Variants in TAFA2 observed in about 807,000 individuals in gnomAD.
TAFA2 encodes the protein chemokine-like protein TAFA-2.
Under a neutral mutation model 18.8 loss-of-function variants are expected in TAFA2, and 7 were observed. The ratio of observed to expected loss-of-function variants is 0.37; its 90% confidence interval spans 0.21 to 0.70. The LOEUF is 0.70. Among genes scored for constraint, TAFA2 ranks in the 30% least tolerant of loss-of-function variants. The pLI is 0.53. For synonymous variants in TAFA2, 60 were observed against 54.2 expected (o/e 1.11, Z -0.47); for missense variants, 122 against 158.1 (o/e 0.77, Z 1.23).
At chr12:61,821,128 TACACACACACACACACAC>T (rs3034059) in intron 2 of TAFA2, among the ~76,000 whole-genome samples, 1 of 146,476 alleles carries the variant, frequency 6.8e-6, no homozygotes, top group East Asian at 2.0e-4. Flanking sequence ...TTGATAGGGG[TACACACACACACACACAC>T]ACACACACAC....
At chr12:62,015,424 G>A (rs892883411) in intron 1 of TAFA2, among the ~76,000 whole-genome samples, 1 of 152,190 alleles carries the variant, frequency 6.6e-6, no homozygotes, top group African/African-American at 2.4e-5. Flanking sequence ...TGTCACAGGA[G>A]AAGAATAAGA....
At chr12:62,092,637 A>C (rs1868767222) in intron 1 of TAFA2, among the ~76,000 whole-genome samples, 1 of 152,004 alleles carries the variant, frequency 6.6e-6, no homozygotes, top group Non-Finnish European at 1.5e-5. Context: ...AACTTCTAAT[A>C]ACCCCAATGT....
intron 1 of TAFA2, among the ~76,000 whole-genome samples, chr12:62,159,466 T>C (rs972795373): frequency 6.6e-6 from 1 of 152,158 alleles, no homozygotes; most frequent in African/African-American, 2.4e-5. Flanking sequence ...GGAAGAAACA[T>C]TCTAAAAGGA....
At chr12:61,972,472 T>C (rs540242282) in intron 1 of TAFA2, among the ~76,000 whole-genome samples, 2 of 151,734 alleles carry the variant, frequency 1.3e-5, no homozygotes, top group South Asian at 4.1e-4. Flanking sequence ...CCCTAAGGCC[T>C]TGCATTAAAA....
chr12:62,049,676 A>G (rs998382328), intron 1 of TAFA2, among the ~76,000 whole-genome samples: 1 of 152,214 alleles, frequency 6.6e-6, no homozygotes, highest in African/African-American at 2.4e-5. Flanking sequence ...ATCTTGCTAG[A>G]AAGTCAACAT....
intron 1 of TAFA2, among the ~76,000 whole-genome samples, chr12:62,211,151 C>A (rs2062711520): frequency 1.3e-5 from 2 of 152,060 alleles, no homozygotes; most frequent in South Asian, 4.1e-4. Flanking sequence ...CTTTGTCGAG[C>A]ACAATCTAAT....
intron 1 of TAFA2, among the ~76,000 whole-genome samples, chr12:61,888,476 A>G (rs955437725): frequency 1.3e-5 from 2 of 152,186 alleles, no homozygotes; most frequent in Non-Finnish European, 2.9e-5. Context: ...AACACAAAAC[A>G]CTGAGACCAG....
chr12:61,891,098 A>G (rs2121295791), intron 1 of TAFA2, among the ~76,000 whole-genome samples: 1 of 152,358 alleles, frequency 6.6e-6, no homozygotes, highest in African/African-American at 2.4e-5. Context: ...TAGTCCTTCC[A>G]TCATGTAATT....
Position 62,062,714 on chromosome 12 carries a change from C to G in TAFA2, c.-2+128545G>C, listed in dbSNP as rs138979842. On this transcript the variant is annotated intron_variant, in intron 1 of 4. Coordinates refer to ENST00000416284, the MANE Select transcript of TAFA2 (RefSeq NM_178539.5). ...CACCAGACTAATATCAAGCTGTCAG[C>G]AGGCTGCATTCCTTTCTGGAGGCTC... Among the ~76,000 whole-genome samples, 1,253 of 152,290 alleles carry G rather than the reference C, an allele frequency of 8.2e-3. 3 individuals are homozygous for G. Among genetic ancestry groups the G allele is most frequent in the Non-Finnish European group, 0.011 (727 of 68,020 alleles).
At chr12:61,841,427 C>A (rs1873170399) in intron 2 of TAFA2, among the ~76,000 whole-genome samples, 1 of 152,042 alleles carries the variant, frequency 6.6e-6, no homozygotes, top group African/African-American at 2.4e-5. Flanking sequence ...ATTGTGTGTT[C>A]TTGACACCTC....
chr12:61,800,828 T>C (rs917098763), intron 2 of TAFA2, among the ~76,000 whole-genome samples: 1 of 152,094 alleles, frequency 6.6e-6, no homozygotes, highest in African/African-American at 2.4e-5. Flanking sequence ...AAGGAGGACC[T>C]TTATGGAGAA....
chr12:61,960,759 C>T (rs1464605040), intron 1 of TAFA2, among the ~76,000 whole-genome samples: 5 of 131,324 alleles, frequency 3.8e-5, no homozygotes, highest in Admixed American at 8.7e-5. Context: ...AGTTTAGCCA[C>T]TTTGTCCTAT....
At chr12:61,879,278 G>T (rs1010214958) in intron 1 of TAFA2, 10 of 420,274 alleles carry the variant, frequency 2.4e-5, no homozygotes, top group Non-Finnish European at 4.3e-5. Context: ...TCGAATCTCC[G>T]CCTGGTTGGG....
At chr12:61,857,663 T>C (rs1873939461) in intron 2 of TAFA2, among the ~76,000 whole-genome samples, 1 of 152,180 alleles carries the variant, frequency 6.6e-6, no homozygotes. Context: ...CAAGACTTTT[T>C]CAAAACGATT....
At chr12:61,850,699 A>T (rs1873605601) in intron 2 of TAFA2, among the ~76,000 whole-genome samples, 1 of 152,078 alleles carries the variant, frequency 6.6e-6, no homozygotes, top group Admixed American at 6.6e-5. Context: ...TCTAGTATAA[A>T]CAAACATGAG....
chr12:61,770,343 C>T (rs1235929890), intron 2 of TAFA2, among the ~76,000 whole-genome samples: 1 of 152,104 alleles, frequency 6.6e-6, no homozygotes. Flanking sequence ...TCTTCCCTGG[C>T]CTTGCTAGAG....
At chr12:61,999,027 C>G (rs1463873540) in intron 1 of TAFA2, among the ~76,000 whole-genome samples, 1 of 152,162 alleles carries the variant, frequency 6.6e-6, no homozygotes, top group Non-Finnish European at 1.5e-5. Flanking sequence ...GGTTTTTATT[C>G]AGCTGCATGA....
At chr12:61,818,076 C>T (rs941829122) in intron 2 of TAFA2, among the ~76,000 whole-genome samples, 3 of 152,142 alleles carry the variant, frequency 2.0e-5, no homozygotes, top group Non-Finnish European at 2.9e-5. Flanking sequence ...CCATCCTCAC[C>T]GGGAGAACAG....
chr12:61,799,533 G>A (rs891023856), intron 2 of TAFA2, among the ~76,000 whole-genome samples: 1 of 152,084 alleles, frequency 6.6e-6, no homozygotes, highest in Non-Finnish European at 1.5e-5. Flanking sequence ...ATTTAAAGGT[G>A]ACAAACTGGC....
Sources: gnomAD v4.1 joint callset for allele counts (sites outside exome capture counted in the v4.1 genomes callset) on GRCh38, gnomAD v4.1.1 for gene constraint, MANE v1.5 for transcripts, NCBI Gene and HGNC (gene_info 2026-07-23, HGNC 2026-07-21) for gene names.